MFSD8: variants seen among roughly 807,000 people sequenced by gnomAD.
The protein encoded by MFSD8 is major facilitator superfamily domain-containing protein 8.
Under a neutral mutation model 66.4 loss-of-function variants are expected in MFSD8, and 55 were observed. The ratio of observed to expected loss-of-function variants is 0.83; its 90% CI spans 0.67 to 1.04. MFSD8 has a LOEUF of 1.04. Ranked by LOEUF, MFSD8 falls within the 50% of genes least tolerant of loss-of-function variation. The pLI is 0.00. For synonymous variants in MFSD8, 202 were observed against 212.8 expected (o/e 0.95, Z 0.44); for missense variants, 550 against 627.6 (o/e 0.88, Z 1.32).
chr4:127,958,394 T>C (rs533673771), intron 1 of MFSD8, among the ~76,000 whole-genome samples: 1 of 152,176 alleles, frequency 6.6e-6, no homozygotes, highest in African/African-American at 2.4e-5. Flanking sequence ...TGCCTTCTTA[T>C]GTTCCAAGAT....
At chr4:127,935,516 G>C (rs1738919271) in intron 7 of MFSD8, among the ~76,000 whole-genome samples, 1 of 152,072 alleles carries the variant, frequency 6.6e-6, no homozygotes, top group African/African-American at 2.4e-5. Context: ...CTTTAAATTT[G>C]AATAGCTTTA....
intron 1 of MFSD8, among the ~76,000 whole-genome samples, chr4:127,964,191 CGG>C (rs906503276): frequency 2.4e-4 from 36 of 152,220 alleles, no homozygotes; most frequent in African/African-American, 8.7e-4. Context: ...GATCCCGCAC[CGG>C]GGCTGCAGGT....
chr4:127,938,953 T>G (rs2148903235), intron 6 of MFSD8, 115 bp from the exon 7 acceptor site: 1 of 729,002 alleles, frequency 1.4e-6, no homozygotes, highest in South Asian at 2.0e-5. Context: ...CTTTTATTGG[T>G]TTTTCAGTAA....
intron 2 of MFSD8, among the ~76,000 whole-genome samples, chr4:127,956,477 G>A: frequency 6.6e-6 from 1 of 150,786 alleles, no homozygotes; most frequent in Non-Finnish European, 1.5e-5. Flanking sequence ...TCCAGCCTGG[G>A]CGACAGTGCG....
intron 9 of MFSD8, among the ~76,000 whole-genome samples, chr4:127,928,356 T>A (rs528641306): frequency 1.3e-5 from 2 of 152,186 alleles, no homozygotes; most frequent in Non-Finnish European, 2.9e-5. Flanking sequence ...TGACCCCAAA[T>A]GATCCAGCTG....
chr4:127,940,728 G>T (rs1740047595), intron 5 of MFSD8, among the ~76,000 whole-genome samples: 1 of 145,290 alleles, frequency 6.9e-6, no homozygotes, highest in African/African-American at 2.9e-5. Context: ...GAAATATGAA[G>T]TGGCAAAATC....
At chr4:127,937,089 T>C (rs572162821) in intron 7 of MFSD8, among the ~76,000 whole-genome samples, 1 of 152,362 alleles carries the variant, frequency 6.6e-6, no homozygotes, top group Admixed American at 6.5e-5. Flanking sequence ...CACATATTCA[T>C]TCCTCAGATT....
At chr4:127,922,465 A>C (rs1736474351) in intron 9 of MFSD8, among the ~76,000 whole-genome samples, 1 of 152,046 alleles carries the variant, frequency 6.6e-6, no homozygotes, top group Non-Finnish European at 1.5e-5. Flanking sequence ...CTCTACAAAA[A>C]ATTTTAAAAA....
rs765791865 is a variant in MFSD8, at chr4:127,949,865, AG to A, written c.155-19del. The A allele has an allele frequency of 3.1e-6, 5 of 1,599,248 alleles. No individual in the cohort carries two copies. In the Admixed American group the frequency reaches 6.7e-5, roughly 22 times the overall value. On this transcript the variant is annotated intron_variant, in intron 2 of 11. Coordinates refer to ENST00000641686, the MANE Select transcript of MFSD8 (RefSeq NM_001371596.2). Reference sequence around the variant, plus strand: ...AGAAAACCCTGTGAAGAAGCAAACTAGGTTATTTATACTTATAATAATTTAA... The same window carrying A: ...AGAAAACCCTGTGAAGAAGCAAACTAGTTATTTATACTTATAATAATTTAA...
In MFSD8 at chr4:127,965,142, T is replaced by C. The variant is rs1744847722; in HGVS notation, c.-9A>G. 3 of 1,613,776 alleles carry C rather than the reference T, an allele frequency of 1.9e-6. No homozygotes were observed. Among genetic ancestry groups the C allele is most frequent in the African/African-American group, 1.3e-5 (1 of 74,940 alleles). On this transcript the variant is annotated 5_prime_UTR_variant, in exon 1 of 12. Transcript: ENST00000641686. ...TTCCGCAGGCCGGCCATAGTTACACTCCCTACAAGGCGTCTTGCGCCCAAC... is the reference window on the plus strand; with the variant it reads ...TTCCGCAGGCCGGCCATAGTTACACCCCCTACAAGGCGTCTTGCGCCCAAC...
chr4:127,960,592 A>T lies in MFSD8; in HGVS notation c.63-3000T>A, dbSNP rs59680635. On this transcript the variant is annotated intron_variant, in intron 1 of 11. Transcript: ENST00000641686. ...TGTGTGCTCAGTGACAGAACAGTGT[A>T]GTGGTATAACAGTTACAGAAATAAA... Among the ~76,000 whole-genome samples, 1,099 of 152,322 alleles carry T rather than the reference A, an allele frequency of 7.2e-3. 12 individuals carry two copies. Among genetic ancestry groups the T allele is most frequent in the African/African-American group, 0.025 (1,038 of 41,582 alleles).
intron 8 of MFSD8, chr4:127,932,741 A>T: frequency 2.8e-6 from 1 of 359,880 alleles, no homozygotes; most frequent in South Asian, 3.3e-5. Flanking sequence ...CAGATGAAAG[A>T]GGGAAAGAGT....
rs566087701 is a variant in MFSD8, at chr4:127,962,340, G to A, written c.62+2732C>T. On this transcript the variant is annotated intron_variant, in intron 1 of 11. Coordinates refer to ENST00000641686, the MANE Select transcript of MFSD8 (RefSeq NM_001371596.2). Reference sequence around the variant, plus strand: ...AAATTAGCCGTGTCTGGTGGCCCACGTCTGTTAATCCCAGCTACTCCAGAA... The same window carrying A: ...AAATTAGCCGTGTCTGGTGGCCCACATCTGTTAATCCCAGCTACTCCAGAA... Among the ~76,000 whole-genome samples, 93 of 152,176 alleles carry A rather than the reference G, an allele frequency of 6.1e-4. 1 individual carries two copies. Among genetic ancestry groups the A allele is most frequent in the African/African-American group, 2.1e-3 (89 of 41,522 alleles).
At chr4:127,938,616 T>C (rs1313152505) in intron 7 of MFSD8, among the ~76,000 whole-genome samples, 167 bp downstream of exon 7, 3 of 147,942 alleles carry the variant, frequency 2.0e-5, no homozygotes, top group African/African-American at 7.5e-5. Flanking sequence ...AATAAATAAA[T>C]AAATAAATAA....
Position 127,930,760 on chromosome 4 carries a change from T to C in MFSD8, c.921A>G (p.Leu307=). The C allele has an allele frequency of 6.2e-7, 1 of 1,613,272 alleles. No individual in the cohort carries two copies. The highest frequency in any genetic ancestry group is 1.1e-5 in the South Asian group (1 of 90,828). ...GAGCAGCAAGTATTATGCCATTATATAACACAGCTTGTTCTTGAGTCCAGG... is the reference window on the plus strand; with the variant it reads ...GAGCAGCAAGTATTATGCCATTATACAACACAGCTTGTTCTTGAGTCCAGG... ...MYAWTQEQAV[L]YNGIILAALG... is the part of the protein sequence containing the mutation. The change falls in exon 9 of 12, where the codon TTA becomes TTG. Residue 307 remains leucine, a synonymous_variant. Transcript: ENST00000641686.
intron 9 of MFSD8, among the ~76,000 whole-genome samples, chr4:127,925,316 T>C (rs1737010330): frequency 6.6e-6 from 1 of 152,086 alleles, no homozygotes; most frequent in East Asian, 1.9e-4. Context: ...ACCTACAGAA[T>C]GGGAGAAAAT....
At position 127,919,159 on chromosome 4, in the gene MFSD8, A is replaced by G. The variant is rs886059066; in HGVS notation, c.*1471T>C. The G allele has an allele frequency of 6.6e-6, 1 of 152,216 alleles. No homozygotes were observed. The highest frequency in any genetic ancestry group is 1.9e-4 in the East Asian group (1 of 5,192). The allele number at this position is 152,216 out of a possible 1,614,324, so 9.4% of individuals were successfully genotyped here. ...TAGAGCTGAAAAAATTGAGTTTAAG[A>G]GCACAGCTAGTTTAGCATAAAGTGC... On this transcript the variant is annotated 3_prime_UTR_variant, in exon 12 of 12. Transcript: ENST00000641686.
intron 2 of MFSD8, among the ~76,000 whole-genome samples, chr4:127,951,962 T>C (rs1011420362): frequency 6.6e-6 from 1 of 151,890 alleles, no homozygotes; most frequent in African/African-American, 2.4e-5. Flanking sequence ...TCTCCTGACC[T>C]TGCAATCCGC....
intron 7 of MFSD8, among the ~76,000 whole-genome samples, chr4:127,937,032 A>C (rs1739200142): frequency 6.6e-6 from 1 of 152,064 alleles, no homozygotes; most frequent in South Asian, 2.1e-4. Context: ...CTGGCACTTC[A>C]CCTCTCATTC....
Sources: allele counts gnomAD v4.1 joint callset (sites outside exome capture counted in the v4.1 genomes callset), GRCh38; gene constraint gnomAD v4.1.1; transcripts MANE v1.5; gene names NCBI Gene and HGNC (gene_info 2026-07-23, HGNC 2026-07-21).